Variants in CLSTN2 observed in about 807,000 individuals in gnomAD.
CLSTN2 encodes the protein calsyntenin-2.
CLSTN2 carries 48 observed loss-of-function variants against 101.2 expected under a neutral mutation model. The observed-to-expected ratio is 0.47, with a 90% confidence interval of 0.38 to 0.60. The LOEUF (loss-of-function observed/expected upper bound fraction) is 0.60, where lower values mean the gene tolerates loss of function less well. Ranked by LOEUF, CLSTN2 falls within the 20% of genes least tolerant of loss-of-function variation. The pLI, the probability that CLSTN2 is intolerant of heterozygous loss-of-function variation, is 0.00. For synonymous variants in CLSTN2, 481 were observed against 463.6 expected (o/e 1.04, Z -0.48); for missense variants, 1,160 against 1,238.2 (o/e 0.94, Z 0.95).
chr3:139,945,915 A>G (rs945654846), intron 1 of CLSTN2, among the ~76,000 whole-genome samples: 3 of 152,206 alleles, frequency 2.0e-5, no homozygotes, highest in African/African-American at 4.8e-5. Flanking sequence ...TAAATTAATC[A>G]CTCTCTAAAA....
At chr3:140,299,110 G>A (rs968192487) in intron 2 of CLSTN2, among the ~76,000 whole-genome samples, 2 of 152,156 alleles carry the variant, frequency 1.3e-5, no homozygotes, top group African/African-American at 4.8e-5. Context: ...ACAGCCCAGT[G>A]TCAAGTGCTC....
At chr3:140,048,120 G>T (rs931762213) in intron 1 of CLSTN2, among the ~76,000 whole-genome samples, 3 of 152,258 alleles carry the variant, frequency 2.0e-5, no homozygotes, top group Admixed American at 2.0e-4. Context: ...TGATCAAAAT[G>T]GGCATAAATT....
rs200475835 is a variant in CLSTN2 at position 140,090,057 on chromosome 3, G to A, written c.110-85894G>A. ...AGGGGGCTTATTACAAGCTTGGAAT[G>A]TTTCTGTGTGGGGGAGAAATTTATG... is the stretch of plus-strand genomic sequence containing the variant. On this transcript the variant is annotated intron_variant, in intron 1 of 16. Transcript: ENST00000458420. Among the ~76,000 whole-genome samples, 6 of 123,124 alleles carry A rather than the reference G, an allele frequency of 4.9e-5. No homozygotes were observed. In the East Asian group the frequency reaches 1.6e-3, roughly 32 times the overall value. 80.8% of individuals were successfully genotyped at this position (123,124 alleles called of 152,430 possible). A position where few individuals can be genotyped will look rare whatever the true frequency, so the allele number is the denominator to read the frequency against.
intron 2 of CLSTN2, among the ~76,000 whole-genome samples, chr3:140,248,345 T>A (rs779981501): frequency 6.6e-6 from 1 of 152,162 alleles, no homozygotes; most frequent in South Asian, 2.1e-4. Flanking sequence ...CTGTAGGTAG[T>A]AAATGCCTGG....
intron 1 of CLSTN2, among the ~76,000 whole-genome samples, chr3:140,175,359 C>T (rs897977141): frequency 5.9e-5 from 9 of 152,040 alleles, no homozygotes; most frequent in Admixed American, 4.6e-4. Context: ...CTGAGATACA[C>T]AGTTTTTAAA....
chr3:140,010,834 C>T (rs1419085404), intron 1 of CLSTN2, among the ~76,000 whole-genome samples: 13 of 152,218 alleles, frequency 8.5e-5, no homozygotes. Context: ...TGTGAGGACC[C>T]AGTGGAATAA....
intron 5 of CLSTN2, among the ~76,000 whole-genome samples, chr3:140,441,278 T>C (rs2088759966): frequency 6.6e-6 from 1 of 152,170 alleles, no homozygotes; most frequent in Admixed American, 6.6e-5. Flanking sequence ...GAGGAAAACA[T>C]TCTCTCACAG....
intron 8 of CLSTN2, among the ~76,000 whole-genome samples, chr3:140,530,549 A>G (rs1331388799): frequency 6.6e-6 from 1 of 152,180 alleles, no homozygotes; most frequent in Non-Finnish European, 1.5e-5. Flanking sequence ...CTTCTTTGCA[A>G]TTGTTTATGT....
intron 1 of CLSTN2, among the ~76,000 whole-genome samples, chr3:139,959,234 G>A (rs571593407): frequency 2.3e-4 from 35 of 152,228 alleles, no homozygotes; most frequent in South Asian, 2.3e-3. Context: ...TGTGGAGACC[G>A]TGTCTCCTTC....
chr3:140,224,238 T>G (rs1338644275), intron 2 of CLSTN2, among the ~76,000 whole-genome samples: 1 of 152,188 alleles, frequency 6.6e-6, no homozygotes, highest in African/African-American at 2.4e-5. Context: ...GGCGAATCAT[T>G]TAACCATTGT....
chr3:140,134,787 G>A (rs1247685896), intron 1 of CLSTN2, among the ~76,000 whole-genome samples: 1 of 152,022 alleles, frequency 6.6e-6, no homozygotes, highest in African/African-American at 2.4e-5. Flanking sequence ...GTCACTTAGT[G>A]CCTAAGATGC....
chr3:140,089,863 GT>G (rs2008746101), intron 1 of CLSTN2, among the ~76,000 whole-genome samples: 2 of 149,296 alleles, frequency 1.3e-5, no homozygotes, highest in Admixed American at 1.3e-4. Context: ...CTGTGTAAGA[GT>G]TAAAGAAAGG....
chr3:140,495,616 A>G (rs1216995000), intron 8 of CLSTN2, among the ~76,000 whole-genome samples: 1 of 152,120 alleles, frequency 6.6e-6, no homozygotes, highest in Non-Finnish European at 1.5e-5. Context: ...TGAGTATTTA[A>G]TCTATCTTGA....
At position 140,175,534 on chromosome 3, in the gene CLSTN2, A is replaced by G. The variant is rs538140346; in HGVS notation, c.110-417A>G. On this transcript the variant is annotated intron_variant, in intron 1 of 16. Coordinates refer to ENST00000458420, the MANE Select transcript of CLSTN2 (RefSeq NM_022131.3). ...CTGAGCATACATAGTAGTAACTGCT[A>G]GTTTATTGAGTGACAAAGCACTTTA... 1.8e-3 allele frequency among the ~76,000 whole-genome samples: 278 copies of G among 152,332 alleles called. 2 individuals are homozygous for G. Among genetic ancestry groups the G allele is most frequent in the African/African-American group, 6.5e-3 (270 of 41,588 alleles).
intron 8 of CLSTN2, among the ~76,000 whole-genome samples, chr3:140,473,343 A>G (rs1304305817): frequency 6.6e-6 from 1 of 152,136 alleles, no homozygotes; most frequent in Non-Finnish European, 1.5e-5. Flanking sequence ...GTCCCCAAAG[A>G]TGTCTACCTC....
chr3:140,397,155 C>A (rs1172421484), intron 2 of CLSTN2, among the ~76,000 whole-genome samples: 4 of 151,706 alleles, frequency 2.6e-5, no homozygotes, highest in African/African-American at 9.7e-5. Flanking sequence ...GAGAAGAGTG[C>A]CATTGTTTAC....
intron 2 of CLSTN2, among the ~76,000 whole-genome samples, chr3:140,194,339 A>C (rs2010613963): frequency 6.6e-6 from 1 of 152,038 alleles, no homozygotes; most frequent in Non-Finnish European, 1.5e-5. Context: ...AAGGGCACTA[A>C]TTCCATTCAT....
At position 140,575,654 on chromosome 3, in the gene CLSTN2, GT is replaced by G. The variant is rs1376914922; in HGVS notation, c.*9403del. On this transcript the variant is annotated 3_prime_UTR_variant, in exon 17 of 17. Coordinates refer to ENST00000458420, the MANE Select transcript of CLSTN2 (RefSeq NM_022131.3). ...TTTGTTCTCAAAGAAATCTGTAGGTGTTAGAGCTGGGTTTGTTATGTTATTG... is the reference window on the plus strand; with the variant it reads ...TTTGTTCTCAAAGAAATCTGTAGGTGTAGAGCTGGGTTTGTTATGTTATTG... The G allele has an allele frequency of 6.6e-6, 1 of 152,194 alleles. No homozygotes were observed. Among genetic ancestry groups the G allele is most frequent in the Admixed American group, 6.5e-5 (1 of 15,284 alleles). 9.4% of individuals were successfully genotyped at this position (152,194 alleles called of 1,614,324 possible). A position where few individuals can be genotyped will look rare whatever the true frequency, so the allele number is the denominator to read the frequency against.
At chr3:140,233,954 C>A (rs1164211554) in intron 2 of CLSTN2, among the ~76,000 whole-genome samples, 1 of 152,208 alleles carries the variant, frequency 6.6e-6, no homozygotes, top group African/African-American at 2.4e-5. Context: ...TGACTTTTCT[C>A]ACGCCACAGT....
Sources: allele counts gnomAD v4.1 joint callset (sites outside exome capture counted in the v4.1 genomes callset), GRCh38; gene constraint gnomAD v4.1.1; transcripts MANE v1.5; gene names NCBI Gene and HGNC (gene_info 2026-07-23, HGNC 2026-07-21).